Variants in TMEM273 observed in about 807,000 individuals in gnomAD.
TMEM273 encodes the protein transmembrane protein 273.
A neutral mutation model predicts 17.9 loss-of-function variants in TMEM273; 19 were observed. That is an observed-to-expected ratio of 1.06 (90% CI 0.74 to 1.55). The LOEUF (loss-of-function observed/expected upper bound fraction) is 1.55, where lower values mean the gene tolerates loss of function less well. Among genes scored for constraint, TMEM273 ranks in the 40% most tolerant of loss-of-function variants. TMEM273 has a pLI of 0.00. For synonymous variants in TMEM273, 66 were observed against 62.0 expected, an observed-to-expected ratio of 1.07 and a Z score of -0.31; for missense variants, 194 against 155.6, an observed-to-expected ratio of 1.25 and a Z score of -1.31.
chr10:49,187,247 C>A (rs539764183), intron 1 of TMEM273, among the ~76,000 whole-genome samples: 1 of 152,126 alleles, frequency 6.6e-6, no homozygotes, highest in African/African-American at 2.4e-5. Flanking sequence ...GCCAACGGCC[C>A]GTTTCCATGT....
intron 2 of TMEM273, among the ~76,000 whole-genome samples, chr10:49,167,643 C>T (rs554032795): frequency 1.5e-4 from 23 of 152,356 alleles, no homozygotes; most frequent in Admixed American, 1.4e-3. Flanking sequence ...GGGCCCATGG[C>T]TGTGGGACAG....
In TMEM273 at chr10:49,165,319, G is replaced by A. The variant is rs1422909585; in HGVS notation, c.270-36C>T. On this transcript the variant is annotated intron_variant, in intron 4 of 6. Transcript: ENST00000374153. ...GCATTCCAATTACAGAAAACAGCAA[G>A]TGCAAAGGTCCCAAGGCAGGACCGT... 8.4e-6 allele frequency: 13 copies of A among 1,550,396 alleles called. No homozygotes were observed. In the Admixed American group the frequency reaches 9.8e-5, roughly 12 times the overall value.
At position 49,178,491 on chromosome 10, in the gene TMEM273, T is replaced by C. The variant is rs73306705; in HGVS notation, c.43+9803A>G. The C allele has an allele frequency of 9.9e-4, 340 of 342,566 alleles. 1 individual carries two copies. Among genetic ancestry groups the C allele is most frequent in the African/African-American group, 6.9e-3 (322 of 46,668 alleles). The allele number at this position is 342,566 out of a possible 1,614,324, so 21.2% of individuals were successfully genotyped here. ...ACAGCATCATCCCATGCAAAACAGATGACATGTGAGGAGGCTGGACAGTAA... is the reference window on the plus strand; with the variant it reads ...ACAGCATCATCCCATGCAAAACAGACGACATGTGAGGAGGCTGGACAGTAA... On this transcript the variant is annotated intron_variant, in intron 1 of 6. Coordinates refer to ENST00000374153, the MANE Select transcript of TMEM273 (RefSeq NM_001288740.3).
intron 6 of TMEM273, among the ~76,000 whole-genome samples, chr10:49,160,048 T>C (rs767599153): frequency 1.3e-5 from 2 of 152,258 alleles, no homozygotes; most frequent in Non-Finnish European, 2.9e-5. Context: ...TGGATGAATG[T>C]CAGCTATTAA....
At chr10:49,178,016 C>T (rs12246019) in intron 1 of TMEM273, among the ~76,000 whole-genome samples, 42 of 152,134 alleles carry the variant, frequency 2.8e-4, no homozygotes, top group Non-Finnish European at 5.6e-4. Context: ...AGCCAGCCTC[C>T]CCTCTCCTGG....
At chr10:49,171,979 G>A (rs193098060) in intron 1 of TMEM273, among the ~76,000 whole-genome samples, 155 of 152,334 alleles carry the variant, frequency 1.0e-3, no homozygotes, top group Non-Finnish European at 1.8e-3. Context: ...TTGTGGGCCA[G>A]TAGGCGTGCG....
chr10:49,167,372 TG>T (rs1166032733), intron 2 of TMEM273, among the ~76,000 whole-genome samples: 1 of 152,248 alleles, frequency 6.6e-6, no homozygotes, highest in Non-Finnish European at 1.5e-5. Flanking sequence ...GCCTGCTCTG[TG>T]GTGAACACTG....
At chr10:49,178,241 G>A in intron 1 of TMEM273, 1 of 457,310 alleles carries the variant, frequency 2.2e-6, no homozygotes, top group South Asian at 1.5e-5. Context: ...CCTTGCCCGG[G>A]GCCTCAGCAG....
At chr10:49,183,536 A>C (rs756427062) in intron 1 of TMEM273, among the ~76,000 whole-genome samples, 1 of 152,236 alleles carries the variant, frequency 6.6e-6, no homozygotes, top group African/African-American at 2.4e-5. Context: ...TTAAAAAGTT[A>C]AAAAGTCACT....
chr10:49,171,112 G>A (rs1035354108), intron 1 of TMEM273, among the ~76,000 whole-genome samples: 2 of 152,258 alleles, frequency 1.3e-5, no homozygotes, highest in Non-Finnish European at 2.9e-5. Context: ...GCAAGAAGGA[G>A]GAGGGAGCTT....
rs1280684884 is a variant in TMEM273, at chr10:49,165,623, G to A, written c.269+143C>T. 3.8e-6 allele frequency: 5 copies of A among 1,301,828 alleles called. No homozygotes were observed. The African/African-American group carries it at 7.4e-5, about 19-fold the overall frequency. The allele number at this position is 1,301,828 out of a possible 1,614,324, so 80.6% of individuals were successfully genotyped here. A position where few individuals can be genotyped will look rare whatever the true frequency, so the allele number is the denominator to read the frequency against. On this transcript the variant is annotated intron_variant, in intron 4 of 6. Coordinates refer to ENST00000374153, the MANE Select transcript of TMEM273 (RefSeq NM_001288740.3). ...GGTCCAGAGGAGGAGAGAGTGTAAG[G>A]AGGGGACCACGAGGTGCATTCTAGT...
At position 49,188,318 on chromosome 10, in the gene TMEM273, T is replaced by G; in HGVS notation, c.19A>C (p.Met7Leu). 1 of 1,614,176 alleles carries G rather than the reference T, an allele frequency of 6.2e-7. No homozygotes were observed. Among genetic ancestry groups the G allele is most frequent in the Non-Finnish European group, 8.5e-7 (1 of 1,180,018 alleles). The change falls in exon 1 of 7, where the codon ATG becomes CTG. Residue 7 changes from methionine to leucine, a missense_variant. Physicochemically the swap from Met to Leu is conservative, Grantham distance 15. Transcript: ENST00000374153. Reference protein sequence around the residue: MNLGVSMLRILFLLDVG... With the variant: MNLGVSLLRILFLLDVG... ...CCCAGGAGGAAGAGGATCCTCAGCA[T>G]GCTGACCCCCAAGTTCATGCTGGCG...
intron 1 of TMEM273, among the ~76,000 whole-genome samples, chr10:49,170,708 C>A (rs1371713921): frequency 2.0e-5 from 3 of 152,202 alleles, no homozygotes; most frequent in Non-Finnish European, 2.9e-5. Context: ...CACTCAGTGG[C>A]AGCCTTTCCC....
intron 1 of TMEM273, among the ~76,000 whole-genome samples, chr10:49,179,440 CTG>C (rs902242397): frequency 2.6e-5 from 4 of 152,208 alleles, no homozygotes; most frequent in Non-Finnish European, 5.9e-5. Context: ...AGAATCAGGA[CTG>C]TGTGTCTGAG....
intron 1 of TMEM273, among the ~76,000 whole-genome samples, chr10:49,176,460 C>A (rs1386106823): frequency 6.6e-6 from 1 of 151,864 alleles, no homozygotes; most frequent in Non-Finnish European, 1.5e-5. Context: ...AGGAGCAACT[C>A]TCAGGGCATG....
chr10:49,163,937 C>T (rs779985604), intron 5 of TMEM273, among the ~76,000 whole-genome samples: 34 of 152,046 alleles, frequency 2.2e-4, no homozygotes, highest in Non-Finnish European at 4.7e-4. Flanking sequence ...ATGCACCATG[C>T]GTTCATCCCT....
intron 1 of TMEM273, among the ~76,000 whole-genome samples, chr10:49,175,084 G>T (rs187315109): frequency 6.6e-6 from 1 of 152,176 alleles, no homozygotes; most frequent in East Asian, 1.9e-4. Context: ...GGACTGGAAT[G>T]GAATGTGCCC....
intron 3 of TMEM273, among the ~76,000 whole-genome samples, chr10:49,166,148 C>T (rs1267377996): frequency 6.6e-6 from 1 of 152,170 alleles, no homozygotes; most frequent in Non-Finnish European, 1.5e-5. Context: ...GCTCTATTCT[C>T]CCCAGAAGCA....
intron 4 of TMEM273, 119 bp downstream of exon 4, chr10:49,165,647 G>T (rs1846129618): frequency 1.4e-6 from 2 of 1,440,856 alleles, no homozygotes; most frequent in Admixed American, 1.8e-5. Context: ...GTGCATTCTA[G>T]TCACCTAGAA....
Sources: allele counts gnomAD v4.1 joint callset (sites outside exome capture counted in the v4.1 genomes callset), GRCh38; gene constraint gnomAD v4.1.1; transcripts MANE v1.5; gene names NCBI Gene and HGNC (gene_info 2026-07-23, HGNC 2026-07-21).